The following BRAP variants were observed in gnomAD, a reference collection of about 807,000 sequenced individuals.
The protein encoded by BRAP is BRCA1 associated protein, also known as BRCA1-associated protein.
In BRAP, 42 loss-of-function variants were observed where a neutral mutation model predicts 73.4. That is an observed-to-expected ratio of 0.57 (90% CI 0.45 to 0.74). The LOEUF (loss-of-function observed/expected upper bound fraction) is 0.74, where lower values mean the gene tolerates loss of function less well. Ranked by LOEUF, BRAP falls within the 30% of genes least tolerant of loss-of-function variation. The pLI is 0.00. For missense variants in BRAP, 593 were observed against 751.4 expected (o/e 0.79, Z 2.46); for synonymous variants, 255 against 267.4 (o/e 0.95, Z 0.45).
chr12:111,644,852 G>A (rs1282052017), intron 11 of BRAP, among the ~76,000 whole-genome samples: 1 of 152,018 alleles, frequency 6.6e-6, no homozygotes, highest in African/African-American at 2.4e-5. Flanking sequence ...CACCTCCTGG[G>A]TTCAAGCGAT....
intron 10 of BRAP, among the ~76,000 whole-genome samples, chr12:111,650,722 A>G (rs2135896277): frequency 6.6e-6 from 1 of 152,294 alleles, no homozygotes; most frequent in Admixed American, 6.5e-5. Context: ...GGAGACAAAC[A>G]TTGGTAATCT....
chr12:111,680,567 G>C (rs1592999417), intron 3 of BRAP, among the ~76,000 whole-genome samples: 1 of 151,902 alleles, frequency 6.6e-6, no homozygotes, highest in South Asian at 2.1e-4. Flanking sequence ...GGGCGTGGTG[G>C]TGTGCACCTG....
intron 10 of BRAP, among the ~76,000 whole-genome samples, chr12:111,651,635 CTTT>C (rs761275581): frequency 8.0e-6 from 1 of 124,976 alleles, no homozygotes; most frequent in Admixed American, 8.2e-5. Context: ...GATTTCTTTT[CTTT>C]TTTTTTTTTT....
chr12:111,667,799 CA>C (rs1887013418), intron 5 of BRAP, among the ~76,000 whole-genome samples: 1 of 151,078 alleles, frequency 6.6e-6, no homozygotes, highest in Non-Finnish European at 1.5e-5. Context: ...GGTGAGATTC[CA>C]AAAAAATGTT....
intron 9 of BRAP, among the ~76,000 whole-genome samples, chr12:111,657,380 T>C (rs1285048745): frequency 6.6e-6 from 1 of 152,148 alleles, no homozygotes; most frequent in East Asian, 1.9e-4. Flanking sequence ...TGTACATACT[T>C]AATGTGGAGG....
chr12:111,660,982 A>ATT (rs574047287), intron 6 of BRAP, among the ~76,000 whole-genome samples: 5 of 144,664 alleles, frequency 3.5e-5, no homozygotes, highest in East Asian at 2.0e-4. Context: ...ATTATTTATA[A>ATT]TTTTTTTTTT....
chr12:111,647,946 G>A (rs1436755349), intron 11 of BRAP, among the ~76,000 whole-genome samples: 2 of 151,960 alleles, frequency 1.3e-5, no homozygotes, highest in Non-Finnish European at 2.9e-5. Context: ...GTGCACAGCT[G>A]TAGTCCAGTT....
At position 111,661,714 on chromosome 12, in the gene BRAP, T is replaced by TG. The variant is rs1491245602; in HGVS notation, c.897-1040_897-1039insC. Among the ~76,000 whole-genome samples, 40 of 94,698 alleles carry TG rather than the reference T, an allele frequency of 4.2e-4. 1 individual carries two copies. The highest frequency in any genetic ancestry group is 2.7e-3 in the East Asian group (7 of 2,556). 62.1% of individuals were successfully genotyped at this position (94,698 alleles called of 152,430 possible). Reference sequence around the variant, plus strand: ...TAAAATCTGTAGTAAAAAAAAAAGGTTTTTTTTTTTTTTGTGAGACAGAGT... The same window carrying TG: ...TAAAATCTGTAGTAAAAAAAAAAGGTGTTTTTTTTTTTTTGTGAGACAGAGT... On this transcript the variant is annotated intron_variant, in intron 6 of 11. Transcript: ENST00000419234.
chr12:111,649,656 G>A (rs545515256), intron 11 of BRAP, among the ~76,000 whole-genome samples: 2 of 152,250 alleles, frequency 1.3e-5, no homozygotes, highest in Non-Finnish European at 2.9e-5. Context: ...CAAAGAAGCC[G>A]AAGGCTCTGG....
chr12:111,644,003 G>T lies in BRAP; in HGVS notation c.*196C>A. 1.2e-6 allele frequency: 1 copy of T among 863,040 alleles called. No homozygotes were observed. The highest frequency in any genetic ancestry group is 1.7e-6 in the Non-Finnish European group (1 of 585,566). 53.5% of individuals were successfully genotyped at this position (863,040 alleles called of 1,614,324 possible). ...AACTCTTAAGACCTTTTCGAACGCAGCGCCTTTCTATCAGCTCTCCAGTCA... is the reference window on the plus strand; with the variant it reads ...AACTCTTAAGACCTTTTCGAACGCATCGCCTTTCTATCAGCTCTCCAGTCA... On this transcript the variant is annotated 3_prime_UTR_variant, in exon 12 of 12. Coordinates refer to ENST00000419234, the MANE Select transcript of BRAP (RefSeq NM_006768.5).
chr12:111,650,412 C>A (rs751212824), intron 10 of BRAP, among the ~76,000 whole-genome samples: 1 of 152,092 alleles, frequency 6.6e-6, no homozygotes, highest in East Asian at 1.9e-4. Context: ...ACTACAGGTG[C>A]CTGCCACCAC....
Position 111,643,319 on chromosome 12 carries a change from T to C in BRAP, c.*880A>G, listed in dbSNP as rs1269762258. On this transcript the variant is annotated 3_prime_UTR_variant, in exon 12 of 12. Transcript: ENST00000419234. ...CAATATTTTGTAAACATTTAGAAAA[T>C]ACTAAACCCAACAAAATACACAATT... 6 of 152,102 alleles carry C rather than the reference T, an allele frequency of 3.9e-5. No homozygotes were observed. Among genetic ancestry groups the C allele is most frequent in the African/African-American group, 1.2e-4 (5 of 41,410 alleles). The allele number at this position is 152,102 out of a possible 1,614,324, so 9.4% of individuals were successfully genotyped here. A position where few individuals can be genotyped will look rare whatever the true frequency, so the allele number is the denominator to read the frequency against.
chr12:111,663,495 C>T (rs1408196646), intron 6 of BRAP, among the ~76,000 whole-genome samples: 1 of 152,096 alleles, frequency 6.6e-6, no homozygotes, highest in Non-Finnish European at 1.5e-5. Flanking sequence ...TTAAATTCTT[C>T]CTGCCTTTCT....
Position 111,642,848 on chromosome 12 carries a change from G to A in BRAP, c.*1351C>T, listed in dbSNP as rs932886863. 1.3e-5 allele frequency: 2 copies of A among 152,162 alleles called. No homozygotes were observed. Among genetic ancestry groups the A allele is most frequent in the African/African-American group, 4.8e-5 (2 of 41,448 alleles). The allele number at this position is 152,162 out of a possible 1,614,324, so 9.4% of individuals were successfully genotyped here. Reference sequence around the variant, plus strand: ...GCAGCACATCCCACAAAAACAGATGGTGATTAGTGATACAGTTGATGTGCT... The same window carrying A: ...GCAGCACATCCCACAAAAACAGATGATGATTAGTGATACAGTTGATGTGCT... On this transcript the variant is annotated 3_prime_UTR_variant, in exon 12 of 12. Coordinates refer to ENST00000419234, the MANE Select transcript of BRAP (RefSeq NM_006768.5).
intron 5 of BRAP, among the ~76,000 whole-genome samples, chr12:111,667,197 C>T (rs1172005030): frequency 6.6e-6 from 1 of 152,148 alleles, no homozygotes; most frequent in Non-Finnish European, 1.5e-5. Flanking sequence ...TCATTCTAAA[C>T]TTAAATGCTA....
chr12:111,667,721 A>AAAAAAAAAAAAAAAAAAAAC (rs1887007348), intron 5 of BRAP, among the ~76,000 whole-genome samples: 1 of 139,654 alleles, frequency 7.2e-6, no homozygotes, highest in Non-Finnish European at 1.5e-5. Flanking sequence ...AAAAAAAAAA[A>AAAAAAAAAAAAAAAAAAAAC]GCTCATACAC....
chr12:111,685,685 G>T, intron 1 of BRAP, 26 bp downstream of exon 1: 1 of 1,594,058 alleles, frequency 6.3e-7, no homozygotes, highest in South Asian at 1.1e-5. Context: ...CGGCTACAGG[G>T]AATGCGGCGA....
rs1886906723 is a variant in BRAP, at chr12:111,665,569, G to C, written c.896+70C>G. 6.4e-7 allele frequency: 1 copy of C among 1,568,140 alleles called. No individual in the cohort carries two copies. The highest frequency in any genetic ancestry group is 8.7e-7 in the Non-Finnish European group (1 of 1,147,244). On this transcript the variant is annotated intron_variant, in intron 6 of 11. Transcript: ENST00000419234. The surrounding 1 kb of genome is among the most constrained non-coding windows in gnomAD (Gnocchi z 4.3). ...ATACTTGGAATGGTTCATTTCTGCT[G>C]GTGGCTCTTTTTAATTCTGGAAGGG...
chr12:111,657,454 G>A (rs746343888), intron 9 of BRAP, among the ~76,000 whole-genome samples: 2 of 152,264 alleles, frequency 1.3e-5, no homozygotes, highest in African/African-American at 2.4e-5. Context: ...TATTAATAAC[G>A]ATATAAAACT....
Sources: gnomAD v4.1 joint callset for allele counts (sites outside exome capture counted in the v4.1 genomes callset) on GRCh38, gnomAD v4.1.1 for gene constraint, Gnocchi (gnomAD v3.1) non-coding constraint, MANE v1.5 for transcripts, NCBI Gene and HGNC (gene_info 2026-07-23, HGNC 2026-07-21) for gene names.